The following GALNTL6 variants were observed in gnomAD, a reference collection of about 807,000 sequenced individuals.
GALNTL6 encodes polypeptide N-acetylgalactosaminyltransferase-like 6.
A neutral mutation model predicts 73.7 loss-of-function variants in GALNTL6; 46 were observed. That is an observed-to-expected ratio of 0.62 (90% CI 0.49 to 0.80). GALNTL6 has a LOEUF of 0.80. GALNTL6 is among the 30% of genes least tolerant of loss of function. GALNTL6 has a pLI of 0.00. For synonymous variants in GALNTL6, 259 were observed against 263.7 expected, an observed-to-expected ratio of 0.98 and a Z score of 0.17; for missense variants, 604 against 755.0, an observed-to-expected ratio of 0.80 and a Z score of 2.34.
chr4:171,869,734 G>T (rs1465481377), intron 2 of GALNTL6, among the ~76,000 whole-genome samples: 2 of 152,082 alleles, frequency 1.3e-5, no homozygotes, highest in Non-Finnish European at 2.9e-5. Context: ...GACCCGGTGG[G>T]AGATAACTGA....
chr4:172,187,730 G>C (rs1014730169), intron 2 of GALNTL6, among the ~76,000 whole-genome samples: 6 of 151,898 alleles, frequency 4.0e-5, no homozygotes, highest in Admixed American at 3.9e-4. Context: ...GATAATTATG[G>C]TTATGTGGCC....
chr4:172,599,689 C>T (rs530908006), intron 5 of GALNTL6, among the ~76,000 whole-genome samples: 1 of 152,250 alleles, frequency 6.6e-6, no homozygotes, highest in South Asian at 2.1e-4. Flanking sequence ...CTCTGCCGGT[C>T]TCAGAAGTGC....
At chr4:172,872,935 G>A (rs1745019086) in intron 7 of GALNTL6, among the ~76,000 whole-genome samples, 1 of 152,166 alleles carries the variant, frequency 6.6e-6, no homozygotes, top group Non-Finnish European at 1.5e-5. Flanking sequence ...GTCCTGGACT[G>A]CCATTACCTC....
At chr4:172,085,231 G>A (rs1731995353) in intron 2 of GALNTL6, among the ~76,000 whole-genome samples, 1 of 152,048 alleles carries the variant, frequency 6.6e-6, no homozygotes, top group Non-Finnish European at 1.5e-5. Flanking sequence ...CTGAACATAA[G>A]TTTGGAAAGA....
chr4:172,088,215 G>A (rs1448310974), intron 2 of GALNTL6, among the ~76,000 whole-genome samples: 1 of 152,008 alleles, frequency 6.6e-6, no homozygotes, highest in Admixed American at 6.6e-5. Context: ...TTCTTGTACA[G>A]ATCTTTACTT....
At chr4:172,894,063 T>C (rs1746192660) in intron 8 of GALNTL6, among the ~76,000 whole-genome samples, 1 of 152,202 alleles carries the variant, frequency 6.6e-6, no homozygotes, top group African/African-American at 2.4e-5. Context: ...CTTTCAGTAT[T>C]TTCTTTCAGA....
intron 5 of GALNTL6, among the ~76,000 whole-genome samples, chr4:172,606,564 T>TAC (rs34423475): frequency 0.2 from 26,781 of 136,202 alleles, 3,347 homozygotes; most frequent in East Asian, 0.3. Context: ...TATATATATA[T>TAC]ACATATACAT....
Position 172,069,300 on chromosome 4 carries a change from A to T in GALNTL6, c.139-160356A>T, listed in dbSNP as rs1314227392. On this transcript the variant is annotated intron_variant, in intron 2 of 12. Coordinates refer to ENST00000506823, the MANE Select transcript of GALNTL6 (RefSeq NM_001034845.3). ...ACCAGTTATAGTGGCACTAAAATTC[A>T]TTCATCCAGCATTCAGCATAAAAGA... Among the ~76,000 whole-genome samples, 2 of 106,546 alleles carry T rather than the reference A, an allele frequency of 1.9e-5. 1 individual carries two copies. Among genetic ancestry groups the T allele is most frequent in the Admixed American group, 2.0e-4 (2 of 9,896 alleles). 69.9% of individuals were successfully genotyped at this position (106,546 alleles called of 152,430 possible).
At chr4:172,341,680 C>T (rs1741572578) in intron 4 of GALNTL6, among the ~76,000 whole-genome samples, 2 of 152,098 alleles carry the variant, frequency 1.3e-5, no homozygotes, top group Admixed American at 1.3e-4. Context: ...AGTTTCTCTG[C>T]ACAGGCTCTC....
intron 2 of GALNTL6, among the ~76,000 whole-genome samples, chr4:172,035,544 A>G (rs959768092): frequency 2.0e-5 from 3 of 152,138 alleles, no homozygotes; most frequent in Non-Finnish European, 4.4e-5. Context: ...AATCTTTGAG[A>G]CCTCCTAAAG....
At position 172,504,159 on chromosome 4, in the gene GALNTL6, CAAAAA is replaced by C. The variant is rs775200126; in HGVS notation, c.553+155486_553+155490del. The stretch of plus-strand genomic sequence containing the variant: ...TGGGCAACAGAGCGAGACTCTGTCT[CAAAAA>C]AAAAAAAAAAAAAAACTCACACCTT... On this transcript the variant is annotated intron_variant, in intron 5 of 12. Transcript: ENST00000506823. Among the ~76,000 whole-genome samples the C allele has an allele frequency of 7.8e-4, 4 of 5,142 alleles. 2 individuals carry two copies. Among genetic ancestry groups the C allele is most frequent in the Non-Finnish European group, 1.3e-3 (4 of 2,982 alleles). 3.4% of individuals were successfully genotyped at this position (5,142 alleles called of 152,430 possible).
intron 2 of GALNTL6, among the ~76,000 whole-genome samples, chr4:172,084,615 G>C (rs559091566): frequency 3.2e-4 from 49 of 152,220 alleles, no homozygotes; most frequent in African/African-American, 1.1e-3. Context: ...TTTGTTCTTT[G>C]TTTTTGTCTT....
chr4:172,998,989 TAA>T (rs5864178), intron 10 of GALNTL6, among the ~76,000 whole-genome samples: 2,292 of 137,772 alleles, frequency 0.017, 19 homozygotes, highest in East Asian at 0.048. Context: ...ATTTTAATAT[TAA>T]AAAAAAAAAA....
intron 5 of GALNTL6, among the ~76,000 whole-genome samples, chr4:172,550,620 C>G (rs1338607299): frequency 6.6e-6 from 1 of 151,992 alleles, no homozygotes; most frequent in African/African-American, 2.4e-5. Context: ...ATTTTAGAGA[C>G]AGGATCTTGC....
intron 5 of GALNTL6, among the ~76,000 whole-genome samples, chr4:172,471,177 G>A (rs1436348437): frequency 6.6e-6 from 1 of 152,136 alleles, no homozygotes; most frequent in African/African-American, 2.4e-5. Flanking sequence ...CCATGGGGCA[G>A]CAGGAAGCCT....
At chr4:172,637,108 G>T (rs1358557597) in intron 5 of GALNTL6, among the ~76,000 whole-genome samples, 1 of 152,014 alleles carries the variant, frequency 6.6e-6, no homozygotes, top group Non-Finnish European at 1.5e-5. Context: ...TATATTAATT[G>T]CTAACTCATT....
intron 4 of GALNTL6, among the ~76,000 whole-genome samples, chr4:172,315,154 C>A (rs1378587525): frequency 6.6e-6 from 1 of 152,178 alleles, no homozygotes; most frequent in African/African-American, 2.4e-5. Context: ...ATGCTCTTAA[C>A]ATCTCTCTAT....
chr4:172,935,164 C>T (rs1007318749), intron 9 of GALNTL6, among the ~76,000 whole-genome samples: 1 of 152,188 alleles, frequency 6.6e-6, no homozygotes, highest in Non-Finnish European at 1.5e-5. Context: ...CACGCCAGAG[C>T]GCTGCCCTGC....
chr4:171,877,183 A>G (rs1278207674), intron 2 of GALNTL6, among the ~76,000 whole-genome samples: 1 of 152,174 alleles, frequency 6.6e-6, no homozygotes, highest in Non-Finnish European at 1.5e-5. Context: ...CATTTCTCTC[A>G]GAGGTCCATA....
Sources: gnomAD v4.1 joint callset for allele counts (sites outside exome capture counted in the v4.1 genomes callset) on GRCh38, gnomAD v4.1.1 for gene constraint, MANE v1.5 for transcripts, NCBI Gene and HGNC (gene_info 2026-07-23, HGNC 2026-07-21) for gene names.